VMP1: variants seen among roughly 807,000 people sequenced by gnomAD.
The protein encoded by VMP1 is vacuole membrane protein 1.
In VMP1, 11 loss-of-function variants were observed where a neutral mutation model predicts 56.0. That is an observed-to-expected ratio of 0.20 (90% confidence interval 0.12 to 0.32). The LOEUF (loss-of-function observed/expected upper bound fraction) is 0.32, where lower values mean the gene tolerates loss of function less well. Among genes scored for constraint, VMP1 ranks in the 10% least tolerant of loss-of-function variants. The pLI is 1.00. For missense variants in VMP1, 296 were observed against 490.3 expected, an observed-to-expected ratio of 0.60 and a Z score of 3.74; for synonymous variants, 149 against 165.0, an observed-to-expected ratio of 0.90 and a Z score of 0.74.
chr17:59,768,254 T>C (rs142042733), intron 6 of VMP1, among the ~76,000 whole-genome samples: 1 of 152,292 alleles, frequency 6.6e-6, no homozygotes, highest in African/African-American at 2.4e-5. Context: ...ACACACTAAG[T>C]TATGTTTAAA....
chr17:59,736,318 G>A (rs1041914113), intron 3 of VMP1, among the ~76,000 whole-genome samples: 7 of 150,774 alleles, frequency 4.6e-5, no homozygotes, highest in African/African-American at 9.8e-5. Context: ...CAGGAGAATC[G>A]CTTGAACGTG....
intron 4 of VMP1, 132 bp downstream of exon 4, chr17:59,737,675 G>T: frequency 1.5e-6 from 1 of 675,826 alleles, no homozygotes. Flanking sequence ...TATCTCAAAT[G>T]TTTTACTTTT....
At chr17:59,765,281 A>T (rs2036191597) in intron 6 of VMP1, 143 bp downstream of exon 6, 1 of 970,094 alleles carries the variant, frequency 1.0e-6, no homozygotes, top group Admixed American at 3.0e-5. Flanking sequence ...AAGGCAAAAG[A>T]AACCTTTTAG....
chr17:59,734,969 T>G, intron 2 of VMP1, among the ~76,000 whole-genome samples: 1 of 141,248 alleles, frequency 7.1e-6, no homozygotes, highest in East Asian at 2.4e-4. Context: ...TGGTCTTCAG[T>G]GGCACAATCT....
chr17:59,791,716 G>T (rs957783706), intron 7 of VMP1, among the ~76,000 whole-genome samples: 1 of 150,742 alleles, frequency 6.6e-6, no homozygotes, highest in Non-Finnish European at 1.5e-5. Context: ...TGCCCACCTT[G>T]GCCTCCCAAA....
chr17:59,779,133 G>A (rs1231828719), intron 7 of VMP1, among the ~76,000 whole-genome samples: 3 of 152,182 alleles, frequency 2.0e-5, no homozygotes, highest in South Asian at 2.1e-4. Context: ...GTTAAGACAC[G>A]TCACCCGTTG....
At chr17:59,782,136 C>T (rs759035261) in intron 7 of VMP1, among the ~76,000 whole-genome samples, 16 of 152,022 alleles carry the variant, frequency 1.1e-4, no homozygotes, top group Admixed American at 4.6e-4. Flanking sequence ...CTCGAGCTCC[C>T]GACCTCAAGT....
At chr17:59,756,779 T>G (rs1435110781) in intron 5 of VMP1, among the ~76,000 whole-genome samples, 1 of 152,224 alleles carries the variant, frequency 6.6e-6, no homozygotes, top group African/African-American at 2.4e-5. Flanking sequence ...ATAATTAATA[T>G]GAACATTTTA....
chr17:59,816,414 C>T (rs2038232838), intron 9 of VMP1, among the ~76,000 whole-genome samples: 1 of 152,168 alleles, frequency 6.6e-6, no homozygotes, highest in Non-Finnish European at 1.5e-5. Flanking sequence ...ATTCACATAC[C>T]AATTGTATAC....
At chr17:59,775,011 G>A (rs533846693) in intron 7 of VMP1, among the ~76,000 whole-genome samples, 40 of 151,460 alleles carry the variant, frequency 2.6e-4, no homozygotes, top group African/African-American at 9.7e-4. Context: ...GCCTGATCTC[G>A]GCTCACTACA....
intron 1 of VMP1, among the ~76,000 whole-genome samples, chr17:59,728,090 G>A (rs187799881): frequency 6.6e-6 from 1 of 152,128 alleles, no homozygotes; most frequent in African/African-American, 2.4e-5. Context: ...ATACACAAAT[G>A]GATTGTATCT....
intron 9 of VMP1, among the ~76,000 whole-genome samples, chr17:59,814,160 A>C (rs1258359624): frequency 6.6e-6 from 1 of 152,120 alleles, no homozygotes; most frequent in Non-Finnish European, 1.5e-5. Context: ...CTGTATTTTT[A>C]GTAGAGATAG....
intron 10 of VMP1, chr17:59,838,062 T>G: frequency 2.2e-5 from 7 of 318,520 alleles, no homozygotes; most frequent in South Asian, 5.9e-5. Flanking sequence ...GTGGGAGAGA[T>G]TTTGGTTTTT....
chr17:59,836,683 C>A (rs1448311350), intron 10 of VMP1, among the ~76,000 whole-genome samples: 1 of 150,930 alleles, frequency 6.6e-6, no homozygotes, highest in Non-Finnish European at 1.5e-5. Flanking sequence ...AATCCAAATC[C>A]CCATAAATGA....
intron 9 of VMP1, among the ~76,000 whole-genome samples, chr17:59,812,224 A>C (rs539700243): frequency 6.6e-6 from 1 of 152,034 alleles, no homozygotes; most frequent in Non-Finnish European, 1.5e-5. Context: ...CACATACTCT[A>C]TATATATAGA....
At chr17:59,735,732 C>T (rs931138038) in intron 3 of VMP1, 2 of 365,216 alleles carry the variant, frequency 5.5e-6, no homozygotes, top group African/African-American at 4.0e-5. Flanking sequence ...CAGTGGAGAA[C>T]ACTGAAAAAT....
At chr17:59,745,131 C>G (rs1041807827) in intron 5 of VMP1, among the ~76,000 whole-genome samples, 1 of 152,168 alleles carries the variant, frequency 6.6e-6, no homozygotes, top group Non-Finnish European at 1.5e-5. Context: ...TTACTGAACT[C>G]CAGCCATATT....
intron 1 of VMP1, among the ~76,000 whole-genome samples, chr17:59,728,437 C>A (rs2034692377): frequency 1.3e-5 from 2 of 151,114 alleles, no homozygotes; most frequent in South Asian, 4.1e-4. Flanking sequence ...AACCCCCTAA[C>A]TCATATATCT....
rs79271470 is a variant in VMP1 at position 59,732,795 on chromosome 17, A to G, written c.76+1273A>G. Among the ~76,000 whole-genome samples the G allele has an allele frequency of 2.9e-3, 444 of 152,294 alleles. 3 individuals are homozygous for G. Among genetic ancestry groups the G allele is most frequent in the African/African-American group, 0.01 (430 of 41,572 alleles). On this transcript the variant is annotated intron_variant, in intron 2 of 11. Transcript: ENST00000262291. ...CTCACCCCATTGGAATTTAAAATTA[A>G]CATTAGCATGTCAAACTTACTCTTC...
Sources: gnomAD v4.1 joint callset for allele counts (sites outside exome capture counted in the v4.1 genomes callset) on GRCh38, gnomAD v4.1.1 for gene constraint, MANE v1.5 for transcripts, NCBI Gene and HGNC (gene_info 2026-07-23, HGNC 2026-07-21) for gene names.